The following MYH15 variants were observed in gnomAD, a reference collection of about 807,000 sequenced individuals.
The protein encoded by MYH15 is myosin-15.
In MYH15, 227 loss-of-function variants were observed where a neutral mutation model predicts 240.5. That is an observed-to-expected ratio of 0.94 (90% CI 0.85 to 1.05). The LOEUF (loss-of-function observed/expected upper bound fraction) is 1.05. Among genes scored for constraint, MYH15 ranks in the 50% least tolerant of loss-of-function variants. The pLI, the probability that MYH15 is intolerant of heterozygous loss-of-function variation, is 0.00. For missense variants in MYH15, 2,217 were observed against 2,247.5 expected (o/e 0.99, Z 0.27); for synonymous variants, 785 against 796.7 (o/e 0.99, Z 0.25).
chr3:108,410,784 C>T lies in MYH15; in HGVS notation c.4294G>A (p.Ala1432Thr). 1 of 1,614,164 alleles carries T rather than the reference C, an allele frequency of 6.2e-7. No individual in the cohort carries two copies. The highest frequency in any genetic ancestry group is 8.5e-7 in the Non-Finnish European group (1 of 1,180,004). ...SDLGKVRSAA[A>T]RLDQKQLQSG... ...TGCAGCTGCTTCTGGTCCAGCCTGG[C>T]TGCTGCAGAGCGGACCTTCCCGAGG... Residue 1432 changes from alanine (A) to threonine (T), a missense_variant, in exon 31 of 41, where the codon GCC becomes ACC. By Grantham distance (58) the Ala-to-Thr change is moderately conservative (BLOSUM62 0). Transcript: ENST00000693548.
intron 14 of MYH15, 51 bp downstream of exon 14, chr3:108,469,991 A>G: frequency 6.4e-7 from 1 of 1,552,706 alleles, no homozygotes; most frequent in South Asian, 1.2e-5. Flanking sequence ...CATAGCAGGC[A>G]GGGACAATTC....
intron 25 of MYH15, among the ~76,000 whole-genome samples, chr3:108,436,654 T>G (rs1166785649): frequency 6.6e-6 from 1 of 152,202 alleles, no homozygotes; most frequent in Admixed American, 6.5e-5. Context: ...TTCTCCTGCC[T>G]CAGCCTCCCA....
chr3:108,489,661 T>A (rs1388578286), intron 9 of MYH15, among the ~76,000 whole-genome samples: 1 of 152,186 alleles, frequency 6.6e-6, no homozygotes, highest in Admixed American at 6.5e-5. Context: ...TGCTGTGATT[T>A]CCATACCCAA....
At chr3:108,444,568 T>C (rs1482084507) in intron 22 of MYH15, 72 bp downstream of exon 22, 2 of 1,538,786 alleles carry the variant, frequency 1.3e-6, no homozygotes, top group East Asian at 2.3e-5. Flanking sequence ...TGTTTCCGTG[T>C]CAACACTGCC....
chr3:108,389,608 C>A (rs1318040912), intron 37 of MYH15, among the ~76,000 whole-genome samples: 1 of 152,188 alleles, frequency 6.6e-6, no homozygotes, highest in East Asian at 1.9e-4. Context: ...ACATACCACA[C>A]CCCAGTGCTA....
upstream of MYH15, among the ~76,000 whole-genome samples, chr3:108,510,747 T>C (rs1016988948): frequency 4.6e-5 from 7 of 152,136 alleles, no homozygotes; most frequent in Admixed American, 2.0e-4. Flanking sequence ...TTATACAAAA[T>C]TGGACTCAAG....
chr3:108,413,156 G>GA (rs2082607561), intron 30 of MYH15, among the ~76,000 whole-genome samples: 3 of 152,194 alleles, frequency 2.0e-5, no homozygotes, highest in Non-Finnish European at 2.9e-5. Flanking sequence ...TTAGAAGGGG[G>GA]AAAAATCTTA....
At chr3:108,441,923 C>A (rs376171806) in intron 22 of MYH15, among the ~76,000 whole-genome samples, 28 of 152,312 alleles carry the variant, frequency 1.8e-4, no homozygotes, top group South Asian at 8.3e-4. Flanking sequence ...ACAGGCACTG[C>A]CTCCAGCTCT....
chr3:108,455,509 T>C lies in MYH15; in HGVS notation c.2262+227A>G, dbSNP rs925066017. On this transcript the variant is annotated intron_variant, in intron 20 of 40. Transcript: ENST00000693548. ...TATATCTTGACACAAATTTGCTTAG[T>C]TGACTAATTATAAAAATGTAAATGT... 5.9e-5 allele frequency among the ~76,000 whole-genome samples: 9 copies of C among 152,244 alleles called. No homozygotes were observed. The South Asian group carries it at 8.3e-4, about 14-fold the overall frequency.
intron 31 of MYH15, among the ~76,000 whole-genome samples, chr3:108,409,306 C>T (rs1279625511): frequency 1.3e-5 from 2 of 152,170 alleles, no homozygotes; most frequent in East Asian, 3.8e-4. Context: ...CAACTCTGAC[C>T]GCACCTTAGA....
At chr3:108,387,180 C>T (rs1011830402) in intron 38 of MYH15, among the ~76,000 whole-genome samples, 5 of 152,292 alleles carry the variant, frequency 3.3e-5, no homozygotes, top group Middle Eastern at 3.4e-3. Context: ...TTCAAAATGA[C>T]ATTTTTAATT....
chr3:108,464,252 T>C (rs1007366167), intron 15 of MYH15, among the ~76,000 whole-genome samples: 1 of 152,164 alleles, frequency 6.6e-6, no homozygotes, highest in African/African-American at 2.4e-5. Context: ...TACTTCACAT[T>C]GACTATTTCT....
chr3:108,456,487 A>G (rs539844619), intron 19 of MYH15, among the ~76,000 whole-genome samples: 26 of 152,320 alleles, frequency 1.7e-4, no homozygotes, highest in South Asian at 6.2e-4. Context: ...CAGAGATTCA[A>G]TTCAGCCTCC....
intron 30 of MYH15, among the ~76,000 whole-genome samples, chr3:108,411,324 T>C (rs1302611166): frequency 6.6e-6 from 1 of 152,204 alleles, no homozygotes; most frequent in Non-Finnish European, 1.5e-5. Context: ...TCTGTAGCCA[T>C]ATGTAGTCAC....
chr3:108,420,565 A>G (rs1256942649), intron 28 of MYH15, among the ~76,000 whole-genome samples: 5 of 152,130 alleles, frequency 3.3e-5, no homozygotes, highest in Admixed American at 2.0e-4. Flanking sequence ...TGTACAAAGC[A>G]CAGCATAGAG....
chr3:108,492,343 T>G (rs2083356322), intron 9 of MYH15, among the ~76,000 whole-genome samples, 157 bp downstream of exon 9: 1 of 152,178 alleles, frequency 6.6e-6, no homozygotes, highest in African/African-American at 2.4e-5. Flanking sequence ...TATACAACAC[T>G]AGTTCTATAA....
chr3:108,478,051 G>C (rs752262268), intron 11 of MYH15, among the ~76,000 whole-genome samples: 1 of 151,980 alleles, frequency 6.6e-6, no homozygotes. Context: ...GTTGAATAAT[G>C]TCTTATAATA....
intron 34 of MYH15, 77 bp downstream of exon 34, chr3:108,398,998 A>T: frequency 6.6e-7 from 1 of 1,509,374 alleles, no homozygotes; most frequent in Non-Finnish European, 9.1e-7. Flanking sequence ...TGCTGAACAC[A>T]ATCTGTTGCT....
At chr3:108,446,007 A>G (rs1039296451) in intron 21 of MYH15, among the ~76,000 whole-genome samples, 2 of 152,140 alleles carry the variant, frequency 1.3e-5, no homozygotes, top group Admixed American at 1.3e-4. Context: ...TGACCCTTAC[A>G]ACCTCAGGTT....
Sources: gnomAD v4.1 joint callset for allele counts (sites outside exome capture counted in the v4.1 genomes callset) on GRCh38, gnomAD v4.1.1 for gene constraint, MANE v1.5 for transcripts, NCBI Gene and HGNC (gene_info 2026-07-23, HGNC 2026-07-21) for gene names.